Variants in CADM2 observed in about 807,000 individuals in gnomAD.
CADM2 encodes immunoglobulin superfamily member 4D.
Under a neutral mutation model 49.8 loss-of-function variants are expected in CADM2, and 12 were observed. The ratio of observed to expected loss-of-function variants is 0.24; its 90% CI spans 0.15 to 0.39. The LOEUF is 0.39. CADM2 is among the 10% of genes least tolerant of loss of function. The probability of loss-of-function intolerance (pLI) is 1.00; values close to 1 mark genes in which losing one functional copy is unlikely to be tolerated. For synonymous variants in CADM2, 214 were observed against 175.4 expected (o/e 1.22, Z -1.74); for missense variants, 378 against 492.3 (o/e 0.77, Z 2.20).
chr3:85,512,556 A>G (rs1196354092), intron 1 of CADM2, among the ~76,000 whole-genome samples: 3 of 152,088 alleles, frequency 2.0e-5, no homozygotes, highest in African/African-American at 7.2e-5. Flanking sequence ...AACTGCTAAT[A>G]TTATTAAAGG....
chr3:85,570,587 C>A (rs1027295894), intron 1 of CADM2, among the ~76,000 whole-genome samples: 1 of 151,638 alleles, frequency 6.6e-6, no homozygotes, highest in African/African-American at 2.4e-5. Flanking sequence ...TTTGTGAGCA[C>A]AAAAATAGGT....
chr3:85,260,591 G>A (rs2042994580), intron 1 of CADM2, among the ~76,000 whole-genome samples: 1 of 152,118 alleles, frequency 6.6e-6, no homozygotes, highest in Non-Finnish European at 1.5e-5. Flanking sequence ...GTGCCTGCCA[G>A]TGGTTCACAG....
chr3:85,183,618 A>G (rs950369731), intron 1 of CADM2, among the ~76,000 whole-genome samples: 1 of 152,066 alleles, frequency 6.6e-6, no homozygotes, highest in Admixed American at 6.6e-5. Context: ...GTGATTTTGT[A>G]TATGTTTAGA....
intron 1 of CADM2, among the ~76,000 whole-genome samples, chr3:85,582,537 C>G (rs1256984168): frequency 6.6e-6 from 1 of 152,150 alleles, no homozygotes; most frequent in Non-Finnish European, 1.5e-5. Flanking sequence ...GGGCTCTCTT[C>G]CTGGCTTATA....
At chr3:86,016,144 A>AT (rs1732196592) in intron 8 of CADM2, among the ~76,000 whole-genome samples, 1 of 152,088 alleles carries the variant, frequency 6.6e-6, no homozygotes, top group Middle Eastern at 3.4e-3. Context: ...TTGATACACT[A>AT]TTTTTTTAGT....
chr3:85,481,189 A>G (rs1262440275), intron 1 of CADM2, among the ~76,000 whole-genome samples: 1 of 148,692 alleles, frequency 6.7e-6, no homozygotes, highest in African/African-American at 2.4e-5. Flanking sequence ...TGACCATTAT[A>G]CACCCACATA....
chr3:85,015,662 G>A (rs1444580547), intron 1 of CADM2, among the ~76,000 whole-genome samples: 1 of 152,146 alleles, frequency 6.6e-6, no homozygotes, highest in Non-Finnish European at 1.5e-5. Context: ...TTTGACTGAG[G>A]TAAGATAATT....
intron 1 of CADM2, among the ~76,000 whole-genome samples, chr3:85,063,855 GT>G (rs1006275442): frequency 4.6e-5 from 7 of 151,966 alleles, no homozygotes; most frequent in Admixed American, 6.6e-5. Context: ...AAAATTTCCT[GT>G]TTCACCTGAC....
chr3:85,336,954 T>G (rs1576370934), intron 1 of CADM2, among the ~76,000 whole-genome samples: 1 of 38,480 alleles, frequency 2.6e-5, no homozygotes, highest in South Asian at 1.0e-3. Context: ...TATATATATT[T>G]AATATATATA....
At chr3:85,571,740 G>A (rs2062484379) in intron 1 of CADM2, among the ~76,000 whole-genome samples, 1 of 152,054 alleles carries the variant, frequency 6.6e-6, no homozygotes, top group South Asian at 2.1e-4. Flanking sequence ...GTTGTTAGTA[G>A]ATTATAGCAC....
At chr3:84,969,500 G>A (rs939156787) in intron 1 of CADM2, among the ~76,000 whole-genome samples, 1 of 135,840 alleles carries the variant, frequency 7.4e-6, no homozygotes, top group Admixed American at 7.4e-5. Context: ...TCGAATGTCT[G>A]GTCTATCTTT....
chr3:85,369,079 G>C (rs1474250927), intron 1 of CADM2, among the ~76,000 whole-genome samples: 1 of 152,082 alleles, frequency 6.6e-6, no homozygotes, highest in Non-Finnish European at 1.5e-5. Context: ...CTGGTAATGA[G>C]TTCTTGTTAA....
intron 1 of CADM2, among the ~76,000 whole-genome samples, chr3:85,551,844 A>G (rs1353418774): frequency 6.6e-6 from 1 of 152,190 alleles, no homozygotes; most frequent in Non-Finnish European, 1.5e-5. Context: ...TAAATCCACT[A>G]TTTTAGATAG....
rs1553722697 is a variant in CADM2, at chr3:85,431,860, C to CATATATATATATATATATAT, written c.62-294650_62-294649insATATATATATATATATATAT. On this transcript the variant is annotated intron_variant, in intron 1 of 9. Coordinates refer to ENST00000383699, the MANE Select transcript of CADM2 (RefSeq NM_001167675.2). ...AACACCATGGTCTTATGCTTAATTG[C>CATATATATATATATATATAT]ATATATATATATGCCATGCTCTTTC... Among the ~76,000 whole-genome samples the CATATATATATATATATATAT allele has an allele frequency of 2.7e-3, 138 of 51,862 alleles. 32 individuals carry two copies. Among genetic ancestry groups the CATATATATATATATATATAT allele is most frequent in the Non-Finnish European group, 4.0e-3 (93 of 23,422 alleles). The allele number at this position is 51,862 out of a possible 152,430, so 34.0% of individuals were successfully genotyped here.
In CADM2 at chr3:85,262,149, T is replaced by C. The variant is rs2043025618; in HGVS notation, c.61+302481T>C. On this transcript the variant is annotated intron_variant, in intron 1 of 9. Transcript: ENST00000383699. ...GATGCATTTGCTTTTAGAACTATGA[T>C]ATTAAACCATATTAAATTTCAGGGA... 4.6e-5 allele frequency among the ~76,000 whole-genome samples: 7 copies of C among 152,274 alleles called. No homozygotes were observed. The South Asian group carries it at 1.4e-3, about 32-fold the overall frequency.
intron 5 of CADM2, among the ~76,000 whole-genome samples, chr3:85,889,675 T>G (rs977417695): frequency 6.6e-6 from 1 of 152,136 alleles, no homozygotes; most frequent in Non-Finnish European, 1.5e-5. Flanking sequence ...GTTTTCAGAG[T>G]ACAAGGAATC....
intron 1 of CADM2, among the ~76,000 whole-genome samples, chr3:85,641,770 CAA>C (rs34883542): frequency 1.5e-4 from 22 of 144,764 alleles, no homozygotes; most frequent in East Asian, 8.2e-4. Flanking sequence ...ACTAAAAATA[CAA>C]AAAAAAAAAA....
At chr3:85,624,445 G>A (rs958670455) in intron 1 of CADM2, among the ~76,000 whole-genome samples, 2 of 152,014 alleles carry the variant, frequency 1.3e-5, no homozygotes, top group African/African-American at 4.8e-5. Context: ...CAATTATCCT[G>A]CCTCAGCCTC....
At chr3:85,586,377 T>C (rs565501531) in intron 1 of CADM2, among the ~76,000 whole-genome samples, 1 of 152,156 alleles carries the variant, frequency 6.6e-6, no homozygotes, top group South Asian at 2.1e-4. Context: ...AACAATAGAA[T>C]AAAGCACACA....
Sources: allele counts gnomAD v4.1 joint callset (sites outside exome capture counted in the v4.1 genomes callset), GRCh38; gene constraint gnomAD v4.1.1; transcripts MANE v1.5; gene names NCBI Gene and HGNC (gene_info 2026-07-23, HGNC 2026-07-21).